MPRIP: variants seen among roughly 807,000 people sequenced by gnomAD.
MPRIP encodes the protein myosin phosphatase Rho interacting protein.
Under a neutral mutation model 234.9 loss-of-function variants are expected in MPRIP, and 59 were observed. The observed-to-expected ratio is 0.25, with a 90% CI of 0.20 to 0.31. The LOEUF is 0.31. Among genes scored for constraint, MPRIP ranks in the 10% least tolerant of loss-of-function variants. The pLI, the probability that MPRIP is intolerant of heterozygous loss-of-function variation, is 1.00. For synonymous variants in MPRIP, 1,144 were observed against 1,263.9 expected (o/e 0.91, Z 2.01); for missense variants, 2,436 against 3,071.0 (o/e 0.79, Z 4.89).
chr17:17,145,967 T>C lies in MPRIP; in HGVS notation c.1504-69T>C, dbSNP rs74713449. ...ACCCGCCTCATCTGGACAGAAATAC[T>C]GGCCCCATCAGACACTCATGACACT... On this transcript the variant is annotated intron_variant, in intron 9 of 23. Coordinates refer to ENST00000651222, the MANE Select transcript of MPRIP (RefSeq NM_001364716.4). The C allele has an allele frequency of 5.9e-4, 854 of 1,438,066 alleles. 15 individuals are homozygous for C. In the East Asian group the frequency reaches 0.017, roughly 29 times the overall value. 89.1% of individuals were successfully genotyped at this position (1,438,066 alleles called of 1,614,324 possible). A position where few individuals can be genotyped will look rare whatever the true frequency, so the allele number is the denominator to read the frequency against.
chr17:17,114,467 T>C (rs1387196277), intron 3 of MPRIP, among the ~76,000 whole-genome samples: 1 of 152,194 alleles, frequency 6.6e-6, no homozygotes, highest in African/African-American at 2.4e-5. Context: ...TTTGGCGTCA[T>C]ATCCAAGAAA....
At position 17,104,692 on chromosome 17, in the gene MPRIP, C is replaced by A. The variant is rs944837947; in HGVS notation, c.268-22010C>A. On this transcript the variant is annotated intron_variant, in intron 3 of 23. Coordinates refer to ENST00000651222, the MANE Select transcript of MPRIP (RefSeq NM_001364716.4). The stretch of plus-strand genomic sequence containing the variant: ...CGCTGCGTCTGCTCCTTGCCTCCCC[C>A]TCAGCCACCCACGAGGTCTCAGTGC... 9.8e-5 allele frequency among the ~76,000 whole-genome samples: 15 copies of A among 152,350 alleles called. No individual in the cohort carries two copies. The East Asian group carries it at 2.9e-3, about 29-fold the overall frequency.
At chr17:17,097,970 T>G (rs2089883158) in intron 3 of MPRIP, among the ~76,000 whole-genome samples, 1 of 152,170 alleles carries the variant, frequency 6.6e-6, no homozygotes, top group Admixed American at 6.5e-5. Flanking sequence ...AATCTTATTT[T>G]AGATCCTGTG....
intron 6 of MPRIP, among the ~76,000 whole-genome samples, chr17:17,137,235 C>CGGG (rs1225495015): frequency 6.6e-6 from 1 of 152,102 alleles, no homozygotes; most frequent in African/African-American, 2.4e-5. Context: ...CTGAAGGGGC[C>CGGG]GGGCATGGTG....
chr17:17,096,872 G>A (rs1567712345), intron 3 of MPRIP: 5 of 448,632 alleles, frequency 1.1e-5, no homozygotes, highest in Non-Finnish European at 2.3e-5. Flanking sequence ...GCTCAGAGGT[G>A]GAAAATAAAT....
intron 1 of MPRIP, chr17:17,057,754 C>T: frequency 1.4e-6 from 1 of 714,790 alleles, no homozygotes. Context: ...TGACCCCCAC[C>T]CGCTGCCCCA....
intron 1 of MPRIP, among the ~76,000 whole-genome samples, chr17:17,051,321 C>T (rs1467415342): frequency 3.3e-5 from 5 of 152,152 alleles, no homozygotes; most frequent in African/African-American, 1.2e-4. Flanking sequence ...GGAAGACATC[C>T]TACTACTGGA....
At chr17:17,131,531 C>T in intron 4 of MPRIP, 86 bp from the exon 5 acceptor site, 3 of 1,158,452 alleles carry the variant, frequency 2.6e-6, no homozygotes, top group South Asian at 1.3e-5. Context: ...CCCTGCTCTA[C>T]TCCTGGACCA....
chr17:17,072,471 T>C (rs1252136596), intron 1 of MPRIP, among the ~76,000 whole-genome samples: 3 of 152,116 alleles, frequency 2.0e-5, no homozygotes, highest in South Asian at 2.1e-4. Flanking sequence ...GGGCAAGACA[T>C]GTCATAGCAA....
intron 3 of MPRIP, among the ~76,000 whole-genome samples, chr17:17,081,286 A>C (rs1188819634): frequency 1.3e-5 from 2 of 152,130 alleles, no homozygotes; most frequent in African/African-American, 4.8e-5. Flanking sequence ...GTGTCTCCCC[A>C]TTGTCTAGCA....
intron 3 of MPRIP, among the ~76,000 whole-genome samples, chr17:17,110,604 C>T (rs1049495656): frequency 1.6e-4 from 25 of 152,250 alleles, no homozygotes; most frequent in Middle Eastern, 6.8e-3. Flanking sequence ...CTGACAGGCA[C>T]GACCCCAGCC....
At chr17:17,145,498 G>T (rs1161231421) in intron 9 of MPRIP, among the ~76,000 whole-genome samples, 1 of 152,212 alleles carries the variant, frequency 6.6e-6, no homozygotes, top group Non-Finnish European at 1.5e-5. Flanking sequence ...CTGCCATCCT[G>T]CTTCTTGTGG....
chr17:17,074,611 A>C (rs1277888121), intron 1 of MPRIP, among the ~76,000 whole-genome samples: 1 of 152,204 alleles, frequency 6.6e-6, no homozygotes, highest in African/African-American at 2.4e-5. Flanking sequence ...CCCACGAAAG[A>C]AACCCCATAC....
Position 17,166,293 on chromosome 17 carries a change from C to T in MPRIP, c.4702C>T (p.Gln1568Ter). ...EQEQVRLLSD[Q>*]IALEASLISQ... is the part of the protein sequence containing the mutation. ...GGAGCAGGTGAGGCTTCTTTCTGAC[C>T]AGATTGCTCTGGAGGCCTCGCTGAT... Residue 1568 changes from glutamine to a stop codon, truncating the protein, a stop_gained, in exon 16 of 24, where the codon CAG (glutamine) becomes TAG (stop). Transcript: ENST00000651222. LOFTEE classifies it high-confidence loss of function. The surrounding 1 kb of genome is among the most constrained non-coding windows in gnomAD (Gnocchi z 4.4). 7.7e-7 allele frequency: 1 copy of T among 1,304,380 alleles called. No homozygotes were observed. The highest frequency in any genetic ancestry group is 1.0e-6 in the Non-Finnish European group (1 of 988,986). The allele number at this position is 1,304,380 out of a possible 1,614,324, so 80.8% of individuals were successfully genotyped here. A position where few individuals can be genotyped will look rare whatever the true frequency, so the allele number is the denominator to read the frequency against.
chr17:17,066,554 T>C (rs2089029428), intron 1 of MPRIP, among the ~76,000 whole-genome samples: 1 of 152,042 alleles, frequency 6.6e-6, no homozygotes, highest in Non-Finnish European at 1.5e-5. Flanking sequence ...TGTTGATTTT[T>C]GCATCTATAG....
intron 1 of MPRIP, among the ~76,000 whole-genome samples, chr17:17,068,962 T>C (rs1418948176): frequency 6.6e-6 from 1 of 152,236 alleles, no homozygotes; most frequent in East Asian, 1.9e-4. Context: ...TTTTCTAATG[T>C]GAGCATCATA....
chr17:17,154,465 A>G (rs777444449), intron 13 of MPRIP, 50 bp downstream of exon 13: 20 of 1,522,788 alleles, frequency 1.3e-5, no homozygotes, highest in Non-Finnish European at 1.8e-5. Context: ...TGTGGGTGCC[A>G]CTCCCGCCAG....
In MPRIP at chr17:17,188,084, C is replaced by T. The variant is rs893441934; in HGVS notation, c.*3190C>T. The T allele has an allele frequency of 1.3e-5, 2 of 152,234 alleles. No individual in the cohort carries two copies. The highest frequency in any genetic ancestry group is 2.9e-5 in the Non-Finnish European group (2 of 68,048). 9.4% of individuals were successfully genotyped at this position (152,234 alleles called of 1,614,324 possible). A position where few individuals can be genotyped will look rare whatever the true frequency, so the allele number is the denominator to read the frequency against. ...GCACGTGCAGAATAGTCACTTTCTG[C>T]TGGTCAGTTTCTTTATCCACCCATG... On this transcript the variant is annotated 3_prime_UTR_variant, in exon 24 of 24. Coordinates refer to ENST00000651222, the MANE Select transcript of MPRIP (RefSeq NM_001364716.4).
rs779059580 is a variant in MPRIP at position 17,158,640 on chromosome 17, G to A, written c.2038G>A (p.Gly680Ser). The A allele has an allele frequency of 9.8e-5, 157 of 1,601,132 alleles. No homozygotes were observed. Among genetic ancestry groups the A allele is most frequent in the Non-Finnish European group, 1.3e-4 (152 of 1,174,592 alleles). ...QQALAQERVG[G>S]VGPADTHEPL... is the part of the protein sequence containing the mutation. ...GGCCCTGGCTCAGGAGCGGGTGGGC[G>A]GCGTGGGGCCTGCTGACACCCACGA... The change falls in exon 14 of 24, where the codon GGC becomes AGC. Residue 680 changes from glycine (G) to serine (S), a missense_variant. Gly to Ser is a moderately conservative substitution (Grantham distance 56, BLOSUM62 0). This residue lies in a region of MPRIP where 1,998 missense variants were observed against 2,520.3 expected (regional missense o/e 0.79). Coordinates refer to ENST00000651222, the MANE Select transcript of MPRIP (RefSeq NM_001364716.4).
Sources: allele counts gnomAD v4.1 joint callset (sites outside exome capture counted in the v4.1 genomes callset), GRCh38; gene constraint gnomAD v4.1.1; regional missense constraint gnomAD v4.1.1; non-coding constraint Gnocchi (gnomAD v3.1); transcripts MANE v1.5; gene names NCBI Gene and HGNC (gene_info 2026-07-23, HGNC 2026-07-21).